Variants in TLN2 observed in about 807,000 individuals in gnomAD.
TLN2 encodes talin-2.
In TLN2, 118 loss-of-function variants were observed where a neutral mutation model predicts 294.7. The observed-to-expected ratio is 0.40, with a 90% CI of 0.34 to 0.47. The LOEUF (loss-of-function observed/expected upper bound fraction) is 0.47, where lower values mean the gene tolerates loss of function less well. TLN2 is among the 20% of genes least tolerant of loss of function. The probability of loss-of-function intolerance (pLI) is 0.84; values close to 1 mark genes in which losing one functional copy is unlikely to be tolerated. For missense variants in TLN2, 3,083 were observed against 3,282.2 expected (o/e 0.94, Z 1.48); for synonymous variants, 1,431 against 1,304.5 (o/e 1.10, Z -2.09).
In TLN2 at chr15:62,426,856, G is replaced by A. The variant is rs1453550919; in HGVS notation, c.-238+36171G>A. 2.6e-5 allele frequency among the ~76,000 whole-genome samples: 4 copies of A among 152,318 alleles called. No homozygotes were observed. The East Asian group carries it at 7.7e-4, about 29-fold the overall frequency. On this transcript the variant is annotated intron_variant, in intron 1 of 58. Transcript: ENST00000636159. ...CTGGGCCAAGTGTGGTCTGGGAGCA[G>A]CTGTGTCAGAATCACTTTCTGTGCT...
chr15:62,404,537 C>T (rs1032682317), intron 1 of TLN2, among the ~76,000 whole-genome samples: 1 of 152,162 alleles, frequency 6.6e-6, no homozygotes, highest in African/African-American at 2.4e-5. Context: ...GTTAAAAGAT[C>T]CCCAAAGCAT....
intron 1 of TLN2, among the ~76,000 whole-genome samples, chr15:62,431,426 A>G (rs2035005365): frequency 1.3e-5 from 2 of 152,244 alleles, no homozygotes; most frequent in African/African-American, 4.8e-5. Context: ...CACTGATGAC[A>G]TGTTAAACAC....
At chr15:62,500,825 T>G (rs2039266916) in intron 1 of TLN2, among the ~76,000 whole-genome samples, 1 of 152,230 alleles carries the variant, frequency 6.6e-6, no homozygotes, top group South Asian at 2.1e-4. Context: ...ATACTCTTCT[T>G]GAGCAGTTAA....
At chr15:62,592,717 G>A (rs2046180536) in intron 2 of TLN2, among the ~76,000 whole-genome samples, 2 of 152,198 alleles carry the variant, frequency 1.3e-5, no homozygotes, top group South Asian at 4.1e-4. Context: ...TCTTTCACAA[G>A]GCTAAGACAT....
intron 1 of TLN2, among the ~76,000 whole-genome samples, chr15:62,554,973 T>A (rs1388674861): frequency 1.4e-5 from 2 of 139,396 alleles, no homozygotes; most frequent in Admixed American, 7.4e-5. Flanking sequence ...ATTTTTGAAG[T>A]TTATAAATTC....
At chr15:62,729,079 C>T (rs1031422075) in intron 28 of TLN2, among the ~76,000 whole-genome samples, 6 of 152,188 alleles carry the variant, frequency 3.9e-5, no homozygotes, top group African/African-American at 1.4e-4. Flanking sequence ...TGACCCAGCA[C>T]CACTGATTGA....
chr15:62,576,264 A>C (rs887995660), intron 1 of TLN2, among the ~76,000 whole-genome samples: 5 of 4,120 alleles, frequency 1.2e-3, no homozygotes, highest in African/African-American at 3.1e-3. Context: ...ACCCCGTCTC[A>C]AAAAAAAAAA....
At chr15:62,481,963 A>G (rs2140385849) in intron 1 of TLN2, among the ~76,000 whole-genome samples, 1 of 151,200 alleles carries the variant, frequency 6.6e-6, no homozygotes, top group South Asian at 2.1e-4. Flanking sequence ...TGCCTGGCTA[A>G]TTTTTGTATT....
chr15:62,470,403 C>A (rs1297886300), intron 1 of TLN2, among the ~76,000 whole-genome samples: 1 of 152,220 alleles, frequency 6.6e-6, no homozygotes, highest in East Asian at 1.9e-4. Flanking sequence ...ATGGCGAGTT[C>A]CCTTAAGTCA....
At chr15:62,803,908 G>C (rs1185107239) in intron 50 of TLN2, among the ~76,000 whole-genome samples, 1 of 152,138 alleles carries the variant, frequency 6.6e-6, no homozygotes, top group African/African-American at 2.4e-5. Flanking sequence ...CACAGTCTGG[G>C]CTTGTTTGTG....
intron 1 of TLN2, among the ~76,000 whole-genome samples, chr15:62,398,468 A>G (rs1301104496): frequency 6.6e-6 from 1 of 152,214 alleles, no homozygotes; most frequent in African/African-American, 2.4e-5. Context: ...AAAGATACCT[A>G]AAAATGTGGA....
chr15:62,515,579 A>G (rs958797182), intron 1 of TLN2, among the ~76,000 whole-genome samples: 2 of 152,340 alleles, frequency 1.3e-5, no homozygotes, highest in Admixed American at 6.5e-5. Flanking sequence ...TTTCTTACTT[A>G]GATACAAGAA....
chr15:62,715,758 C>T (rs543178121), intron 22 of TLN2, among the ~76,000 whole-genome samples: 2 of 152,304 alleles, frequency 1.3e-5, no homozygotes, highest in Middle Eastern at 3.4e-3. Context: ...GACCTTCCAA[C>T]TCTGTCTCTC....
In TLN2 at chr15:62,700,555, G is replaced by C. The variant is rs184538479; in HGVS notation, c.1588-551G>C. Among the ~76,000 whole-genome samples, 75 of 152,138 alleles carry C rather than the reference G, an allele frequency of 4.9e-4. 1 individual carries two copies. In the East Asian group the frequency reaches 6.9e-3, roughly 14 times the overall value. On this transcript the variant is annotated intron_variant, in intron 16 of 58. Coordinates refer to ENST00000636159, the MANE Select transcript of TLN2 (RefSeq NM_015059.3). ...AGTGGTAGATCTGGATCCAGAACAG[G>C]GATCTCAACCCATCCCCTCATCTTA...
intron 11 of TLN2, among the ~76,000 whole-genome samples, chr15:62,677,712 C>T (rs888142601): frequency 4.0e-5 from 6 of 151,590 alleles, no homozygotes; most frequent in African/African-American, 1.2e-4. Flanking sequence ...TCTCCCTTTC[C>T]TCTCTTTCTT....
chr15:62,523,685 A>G (rs915432580), intron 1 of TLN2, among the ~76,000 whole-genome samples: 9 of 152,238 alleles, frequency 5.9e-5, no homozygotes, highest in African/African-American at 2.2e-4. Context: ...GATCTAGTGG[A>G]CACACATAGA....
At chr15:62,737,578 A>T (rs1315418887) in intron 29 of TLN2, among the ~76,000 whole-genome samples, 2 of 152,138 alleles carry the variant, frequency 1.3e-5, no homozygotes, top group Admixed American at 6.5e-5. Flanking sequence ...GATGGCTTAG[A>T]TGAGAGGGAA....
intron 11 of TLN2, among the ~76,000 whole-genome samples, chr15:62,678,547 C>T (rs28371434): frequency 0.034 from 5,117 of 152,228 alleles, 278 homozygotes; most frequent in African/African-American, 0.11. Flanking sequence ...AAATCTATAA[C>T]AGGCTGGGCA....
chr15:62,821,588 A>G (rs920454447), intron 54 of TLN2, among the ~76,000 whole-genome samples: 1 of 152,238 alleles, frequency 6.6e-6, no homozygotes, highest in African/African-American at 2.4e-5. Flanking sequence ...GAGTCTGTTC[A>G]GCTTGGGAAC....
Sources: gnomAD v4.1 joint callset for allele counts (sites outside exome capture counted in the v4.1 genomes callset) on GRCh38, gnomAD v4.1.1 for gene constraint, MANE v1.5 for transcripts, NCBI Gene and HGNC (gene_info 2026-07-23, HGNC 2026-07-21) for gene names.